BRMS1: variants seen among roughly 807,000 people sequenced by gnomAD.
BRMS1 encodes the protein breast cancer metastasis-suppressor 1.
A neutral mutation model predicts 40.4 loss-of-function variants in BRMS1; 26 were observed. The ratio of observed to expected loss-of-function variants is 0.64; its 90% CI spans 0.47 to 0.89. BRMS1 has a LOEUF of 0.89. Ranked by LOEUF, BRMS1 falls within the 40% of genes least tolerant of loss-of-function variation. The pLI is 0.00. For missense variants in BRMS1, 289 were observed against 309.4 expected (o/e 0.93, Z 0.49); for synonymous variants, 103 against 116.0 (o/e 0.89, Z 0.72).
In BRMS1 at chr11:66,341,985, G is replaced by A; in HGVS notation, c.139+111C>T. The A allele has an allele frequency of 1.6e-6, 2 of 1,230,766 alleles. No homozygotes were observed. Among genetic ancestry groups the A allele is most frequent in the Non-Finnish European group, 2.3e-6 (2 of 884,040 alleles). 76.2% of individuals were successfully genotyped at this position (1,230,766 alleles called of 1,614,324 possible). On this transcript the variant is annotated intron_variant, in intron 2 of 9. Transcript: ENST00000359957. This position sits in a 1 kb window ranked among gnomAD's most constrained non-coding sequence, Gnocchi z 4.9. ...GGTCTGTGTATGTGCTTGTGTGTAG[G>A]CGCTGTATGTGCATGTGCGTGCATG...
At chr11:66,344,945 C>G (rs1241126009) in intron 1 of BRMS1, 27 bp downstream of exon 1, 1 of 152,262 alleles carries the variant, frequency 6.6e-6, no homozygotes, top group Admixed American at 6.5e-5. Flanking sequence ...AGAGGGCGAA[C>G]CAAAAGCCAT....
chr11:66,342,360 T>G, intron 1 of BRMS1, 119 bp from the exon 2 acceptor site: 1 of 1,311,592 alleles, frequency 7.6e-7, no homozygotes, highest in Non-Finnish European at 1.1e-6. Flanking sequence ...GTAACTGGCC[T>G]GGCCACACCT....
intron 7 of BRMS1, 37 bp downstream of exon 7, chr11:66,340,083 TC>T: frequency 6.3e-7 from 1 of 1,586,228 alleles, no homozygotes; most frequent in Non-Finnish European, 8.7e-7. Flanking sequence ...GACCCTTACA[TC>T]CTGCCCACTT....
intron 5 of BRMS1, 22 bp downstream of exon 5, chr11:66,340,945 C>T: frequency 1.2e-6 from 2 of 1,613,934 alleles, no homozygotes; most frequent in Non-Finnish European, 1.7e-6. Flanking sequence ...GCCTCACCCC[C>T]AGTGTGCCCA....
In BRMS1 at chr11:66,342,003, C is replaced by T. The variant is rs144279855; in HGVS notation, c.139+93G>A. On this transcript the variant is annotated intron_variant, in intron 2 of 9. Coordinates refer to ENST00000359957, the MANE Select transcript of BRMS1 (RefSeq NM_015399.4). ...TGTGTAGGCGCTGTATGTGCATGTGCGTGCATGCTTGTGTGTAGGGGCTGT... is the reference window on the plus strand; with the variant it reads ...TGTGTAGGCGCTGTATGTGCATGTGTGTGCATGCTTGTGTGTAGGGGCTGT... 3.1e-4 allele frequency: 425 copies of T among 1,373,232 alleles called. 1 individual carries two copies. In the African/African-American group the frequency reaches 5.3e-3, roughly 17 times the overall value. The allele number at this position is 1,373,232 out of a possible 1,614,324, so 85.1% of individuals were successfully genotyped here.
intron 1 of BRMS1, among the ~76,000 whole-genome samples, chr11:66,342,694 G>A (rs1458250209): frequency 6.6e-6 from 1 of 152,196 alleles, no homozygotes; most frequent in Non-Finnish European, 1.5e-5. Context: ...AGCCTCCTGA[G>A]TAGTGAGATT....
intron 1 of BRMS1, among the ~76,000 whole-genome samples, chr11:66,343,430 A>C (rs577399264): frequency 4.6e-5 from 7 of 152,302 alleles, no homozygotes; most frequent in African/African-American, 1.7e-4. Flanking sequence ...CTTTGACCTC[A>C]CGGAGTTTAC....
chr11:66,338,631 G>C (rs1405187035), intron 8 of BRMS1, 90 bp downstream of exon 8: 1 of 1,604,836 alleles, frequency 6.2e-7, no homozygotes, highest in African/African-American at 1.3e-5. Context: ...TTGGTGAGCA[G>C]AGAACTCCCA....
At chr11:66,339,993 A>G in intron 7 of BRMS1, 128 bp downstream of exon 7, 1 of 704,700 alleles carries the variant, frequency 1.4e-6, no homozygotes, top group Non-Finnish European at 2.4e-6. Flanking sequence ...ACATATTCAC[A>G]TGACACCAAG....
chr11:66,340,309 T>C, intron 6 of BRMS1, 96 bp from the exon 7 acceptor site: 1 of 1,065,114 alleles, frequency 9.4e-7, no homozygotes, highest in Non-Finnish European at 1.4e-6. Flanking sequence ...CCTGGCCTCA[T>C]CTCCCCTGTC....
chr11:66,344,490 C>T (rs935028680), intron 1 of BRMS1: 1 of 152,224 alleles, frequency 6.6e-6, no homozygotes, highest in Non-Finnish European at 1.5e-5. Flanking sequence ...AGTATATTCA[C>T]TTTGTAAGAT....
intron 8 of BRMS1, 43 bp downstream of exon 8, chr11:66,338,678 G>T (rs1457757102): frequency 6.2e-7 from 1 of 1,613,422 alleles, no homozygotes; most frequent in Non-Finnish European, 8.5e-7. Context: ...AGGGTGGGGG[G>T]CCCTGAGGTG....
rs1855081089 is a variant in BRMS1, at chr11:66,341,688, G to A, written c.140-65C>T. On this transcript the variant is annotated intron_variant, in intron 2 of 9. Transcript: ENST00000359957. This position sits in a 1 kb window ranked among gnomAD's most constrained non-coding sequence, Gnocchi z 4.9. ...GTGGTGGGTACCCGCATGTGTGCAT[G>A]TGCGTCCTGCATGTGTGTGTGTGCA... The A allele has an allele frequency of 3.0e-6, 4 of 1,354,668 alleles. No homozygotes were observed. Among genetic ancestry groups the A allele is most frequent in the Non-Finnish European group, 4.2e-6 (4 of 946,730 alleles). The allele number at this position is 1,354,668 out of a possible 1,614,324, so 83.9% of individuals were successfully genotyped here.
chr11:66,344,156 A>G (rs1325858412), intron 1 of BRMS1, among the ~76,000 whole-genome samples: 1 of 152,226 alleles, frequency 6.6e-6, no homozygotes, highest in Admixed American at 6.5e-5. Flanking sequence ...GGGGCTGCAC[A>G]TGTAACTTAT....
rs191101858 is a variant in BRMS1, at chr11:66,337,456, C to T, written c.*426G>A. 43 of 553,364 alleles carry T rather than the reference C, an allele frequency of 7.8e-5. No homozygotes were observed. The East Asian group carries it at 1.1e-3, about 14-fold the overall frequency. The allele number at this position is 553,364 out of a possible 1,614,324, so 34.3% of individuals were successfully genotyped here. ...TCCAGATCCAGCCAGGGTGGACAGA[C>T]CCCCAGATAATCACGTCTGACTCAG... On this transcript the variant is annotated 3_prime_UTR_variant, in exon 10 of 10. Transcript: ENST00000359957.
chr11:66,338,534 G>A lies in BRMS1; in HGVS notation c.693+187C>T, dbSNP rs1458814846. The A allele has an allele frequency of 2.6e-6, 4 of 1,530,476 alleles. No individual in the cohort carries two copies. The South Asian group carries it at 4.8e-5, about 18-fold the overall frequency. 94.8% of individuals were successfully genotyped at this position (1,530,476 alleles called of 1,614,324 possible). A position where few individuals can be genotyped will look rare whatever the true frequency, so the allele number is the denominator to read the frequency against. On this transcript the variant is annotated intron_variant, in intron 8 of 9. Transcript: ENST00000359957. The stretch of plus-strand genomic sequence containing the variant: ...AACGGGAAGGGGCTGACACAGACTA[G>A]AAATCCCTTTTCCCAGGGCCGCCTT...
At chr11:66,338,872 C>A in intron 7 of BRMS1, 87 bp from the exon 8 acceptor site, 1 of 1,345,646 alleles carries the variant, frequency 7.4e-7, no homozygotes, top group Non-Finnish European at 1.0e-6. Flanking sequence ...GGGGGTACAG[C>A]GGACAGCATG....
At chr11:66,344,684 A>C (rs1383333640) in intron 1 of BRMS1, 1 of 152,308 alleles carries the variant, frequency 6.6e-6, no homozygotes, top group Non-Finnish European at 1.5e-5. Flanking sequence ...AGCGCTGTAC[A>C]CAGGCAATTT....
chr11:66,344,060 C>A (rs1855148512), intron 1 of BRMS1, among the ~76,000 whole-genome samples: 1 of 152,188 alleles, frequency 6.6e-6, no homozygotes, highest in South Asian at 2.1e-4. Flanking sequence ...AGTGCAGACA[C>A]CACTCCCTCC....
Sources: gnomAD v4.1 joint callset for allele counts (sites outside exome capture counted in the v4.1 genomes callset) on GRCh38, gnomAD v4.1.1 for gene constraint, Gnocchi (gnomAD v3.1) non-coding constraint, MANE v1.5 for transcripts, NCBI Gene and HGNC (gene_info 2026-07-23, HGNC 2026-07-21) for gene names.